The following PJA1 variants were observed in gnomAD, a reference collection of about 807,000 sequenced individuals.
PJA1 encodes praja ring finger ubiquitin ligase 1.
Under a neutral mutation model 14.1 loss-of-function variants are expected in PJA1, and 5 were observed. The observed-to-expected ratio is 0.35, with a 90% CI of 0.18 to 0.74. PJA1 has a LOEUF of 0.74. PJA1 is among the 30% of genes least tolerant of loss of function. The pLI is 0.56. For missense variants in PJA1, 394 were observed against 482.6 expected, an observed-to-expected ratio of 0.82 and a Z score of 1.72; for synonymous variants, 174 against 190.9, an observed-to-expected ratio of 0.91 and a Z score of 0.73.
In PJA1 at chrX:69,162,070, C is replaced by A; in HGVS notation, c.1004G>T (p.Gly335Val). ...RSREQTLSSS[G>V]ESWETLPGKE... Reference sequence around the variant, plus strand: ...CCCCGGCAGAGTCTCCCAGCTTTCGCCACTGGAGGACAGGGTTTGCTCTCG... The same window carrying A: ...CCCCGGCAGAGTCTCCCAGCTTTCGACACTGGAGGACAGGGTTTGCTCTCG... Residue 335 changes from glycine to valine, a missense_variant, in exon 2 of 2, where the codon GGC (glycine) becomes GTC (valine). Around this residue, in one of 2 missense-constraint regions of PJA1, gnomAD observed 378 missense variants for 439.3 expected, o/e 0.86. Transcript: ENST00000374571. The A allele has an allele frequency of 8.3e-7, 1 of 1,211,209 alleles. No individual in the cohort carries two copies.
rs1466840470 is a variant in PJA1 at position 69,161,404 on chromosome X, G to A, written c.1670C>T (p.Pro557Leu). ...CGGCTTGTGGAAATAGTGGTGGCAC[G>A]GCAGCTCAGTTGCCACCTCCCCCTT... ...YVKGEVATEL[P>L]CHHYFHKPCV... The change falls in exon 2 of 2, where the codon CCG becomes CTG. Residue 557 changes from proline to leucine, a missense_variant. By Grantham distance (98) the Pro-to-Leu change is moderately conservative (BLOSUM62 -3). Coordinates refer to ENST00000374571, the MANE Select transcript of PJA1 (RefSeq NM_001032396.4). 6 of 1,210,847 alleles carry A rather than the reference G, an allele frequency of 5.0e-6. No homozygotes were observed. The highest frequency in any genetic ancestry group is 3.0e-5 in the East Asian group (1 of 33,808).
Position 69,161,784 on chromosome X carries a change from T to C in PJA1, c.1290A>G (p.Gln430=). The change falls in exon 2 of 2, where the codon CAA becomes CAG. Residue 430 remains glutamine, a synonymous_variant. Transcript: ENST00000374571. ...GDNDSGHELM[Q]PGVFMLDGNN... ...TTCCATCCAGCATGAATACCCCAGG[T>C]TGCATCAACTCGTGACCAGAATCAT... is the stretch of plus-strand genomic sequence containing the variant. The C allele has an allele frequency of 8.3e-7, 1 of 1,211,535 alleles. No individual in the cohort carries two copies. The highest frequency in any genetic ancestry group is 1.1e-6 in the Non-Finnish European group (1 of 895,444).
At position 69,161,467 on chromosome X, in the gene PJA1, T is replaced by C; in HGVS notation, c.1607A>G (p.Gln536Arg). ...ACAGCAGATGGGGCAGCACATCTCC[T>C]GACCAACTGCGCCATGATCTTCAGT... is the stretch of plus-strand genomic sequence containing the variant. ...LVTEDHGAVG[Q>R]EMCCPICCSE... The change falls in exon 2 of 2, where the codon CAG becomes CGG. Residue 536 changes from glutamine (Q) to arginine (R), a missense_variant. By Grantham distance (43) the Gln-to-Arg change is conservative. This residue lies in a region of PJA1 where 378 missense variants were observed against 439.3 expected (regional missense o/e 0.86). Coordinates refer to ENST00000374571, the MANE Select transcript of PJA1 (RefSeq NM_001032396.4). 1 of 1,211,800 alleles carries C rather than the reference T, an allele frequency of 8.3e-7. No individual in the cohort carries two copies. Among genetic ancestry groups the C allele is most frequent in the Non-Finnish European group, 1.1e-6 (1 of 895,464 alleles).
At position 69,162,930 on chromosome X, in the gene PJA1, C is replaced by T. The variant is rs141198936; in HGVS notation, c.144G>A (p.Glu48=). The T allele has an allele frequency of 4.1e-6, 5 of 1,211,425 alleles. No homozygotes were observed. The highest frequency in any genetic ancestry group is 5.6e-6 in the Non-Finnish European group (5 of 895,506). The change falls in exon 2 of 2, where the codon GAG becomes GAA. Residue 48 remains glutamate (E), a synonymous_variant. Transcript: ENST00000374571. ...NEDYSRYPPR[E]YRASGSRRGM... is the part of the protein sequence containing the mutation. ...CTCTTCTGCTACCCGAAGCTCTGTACTCTCTTGGCGGATACCTGGAATAGT... is the reference window on the plus strand; with the variant it reads ...CTCTTCTGCTACCCGAAGCTCTGTATTCTCTTGGCGGATACCTGGAATAGT...
chrX:69,161,512 G>T lies in PJA1; in HGVS notation c.1562C>A (p.Ala521Asp). Reference protein sequence around the residue: ...NPPASKESIDALPEILVTEDH... With the variant: ...NPPASKESIDDLPEILVTEDH... Reference sequence around the variant, plus strand: ...TTCAGTGACCAGGATCTCGGGAAGAGCGTCAATGCTCTCCTTGCTTGCTGG... The same window carrying T: ...TTCAGTGACCAGGATCTCGGGAAGATCGTCAATGCTCTCCTTGCTTGCTGG... The change falls in exon 2 of 2, where the codon GCT becomes GAT. Residue 521 changes from alanine (A) to aspartate (D), a missense_variant. Physicochemically the swap from Ala to Asp is moderately radical, Grantham distance 126 (BLOSUM62 -2). Around this residue, in one of 2 missense-constraint regions of PJA1, gnomAD observed 378 missense variants for 439.3 expected, o/e 0.86. Coordinates refer to ENST00000374571, the MANE Select transcript of PJA1 (RefSeq NM_001032396.4). The T allele has an allele frequency of 8.3e-7, 1 of 1,211,890 alleles. No homozygotes were observed. The highest frequency in any genetic ancestry group is 1.1e-6 in the Non-Finnish European group (1 of 895,575).
rs1925253085 is a variant in PJA1, at chrX:69,165,410, C to CTCTCGGA, written c.-113_-107dup. The CTCTCGGA allele has an allele frequency of 2.7e-5, 3 of 112,690 alleles. No individual in the cohort carries two copies. In the Admixed American group the frequency reaches 2.8e-4, roughly 10 times the overall value. 9.3% of individuals were successfully genotyped at this position (112,690 alleles called of 1,213,427 possible). A position where few individuals can be genotyped will look rare whatever the true frequency, so the allele number is the denominator to read the frequency against. On this transcript the variant is annotated 5_prime_UTR_variant, in exon 1 of 2. Coordinates refer to ENST00000374571, the MANE Select transcript of PJA1 (RefSeq NM_001032396.4). ...CCACACGCTTTTCAGAGAAGCAGAG[C>CTCTCGGA]TCTCGGATCTCCGACCGCCACGACC...
chrX:69,162,808 C>G lies in PJA1; in HGVS notation c.266G>C (p.Gly89Ala), dbSNP rs1925112012. The G allele has an allele frequency of 1.7e-6, 2 of 1,211,343 alleles. No homozygotes were observed. Among genetic ancestry groups the G allele is most frequent in the East Asian group, 5.9e-5 (2 of 33,816 alleles). ...VERPPVRGKTGKFKDDKLYDP... is the reference protein window; with the variant it reads ...VERPPVRGKTAKFKDDKLYDP... ...ATACAGCTTATCATCTTTAAACTTG[C>G]CAGTTTTCCCTCTCACTGGCGGTCG... The change falls in exon 2 of 2, where the codon GGC becomes GCC. Residue 89 changes from glycine (G) to alanine (A), a missense_variant. This residue lies in a region of PJA1 where 378 missense variants were observed against 439.3 expected (regional missense o/e 0.86). Coordinates refer to ENST00000374571, the MANE Select transcript of PJA1 (RefSeq NM_001032396.4).
chrX:69,162,551 G>T lies in PJA1; in HGVS notation c.523C>A (p.Pro175Thr). 1 of 1,211,566 alleles carries T rather than the reference G, an allele frequency of 8.3e-7. No homozygotes were observed. Among genetic ancestry groups the T allele is most frequent in the African/African-American group, 1.7e-5 (1 of 57,685 alleles). Residue 175 changes from proline to threonine, a missense_variant, in exon 2 of 2, where the codon CCT becomes ACT. Coordinates refer to ENST00000374571, the MANE Select transcript of PJA1 (RefSeq NM_001032396.4). ...ACAGGAGCCCTGCTGGGACGTGCAG[G>T]TAAATTTTGCTCCCTTCTCTCCCTC... ...SERERREQNLPARPSRAPVSI... is the reference protein window; with the variant it reads ...SERERREQNLTARPSRAPVSI...
In PJA1 at chrX:69,161,163, T is replaced by C. The variant is rs755991711; in HGVS notation, c.*144A>G. 1.6e-5 allele frequency: 14 copies of C among 881,012 alleles called. No individual in the cohort carries two copies. The highest frequency in any genetic ancestry group is 9.5e-5 in the Admixed American group (2 of 21,162). The allele number at this position is 881,012 out of a possible 1,213,427, so 72.6% of individuals were successfully genotyped here. A position where few individuals can be genotyped will look rare whatever the true frequency, so the allele number is the denominator to read the frequency against. On this transcript the variant is annotated 3_prime_UTR_variant, in exon 2 of 2. Coordinates refer to ENST00000374571, the MANE Select transcript of PJA1 (RefSeq NM_001032396.4). Reference sequence around the variant, plus strand: ...GCAATCATACACAACTGTTTTCACATTGGAAATAATCACGAGGAATCAATA... The same window carrying C: ...GCAATCATACACAACTGTTTTCACACTGGAAATAATCACGAGGAATCAATA...
In PJA1 at chrX:69,162,048, C is replaced by T. The variant is rs1231613505; in HGVS notation, c.1026G>A (p.Pro342=). The T allele has an allele frequency of 1.2e-5, 14 of 1,208,572 alleles. No homozygotes were observed. Among genetic ancestry groups the T allele is most frequent in the Admixed American group, 6.6e-5 (3 of 45,758 alleles). The change falls in exon 2 of 2, where the codon CCG becomes CCA. Residue 342 remains proline (P), a synonymous_variant. Transcript: ENST00000374571. ...GTGGAGGTTCCCGCTCTTCTTTCCC[C>T]GGCAGAGTCTCCCAGCTTTCGCCAC... ...SSSGESWETL[P]GKEEREPPQA...
In PJA1 at chrX:69,161,505, G is replaced by C; in HGVS notation, c.1569C>G (p.Pro523=). ...CATGATCTTCAGTGACCAGGATCTC[G>C]GGAAGAGCGTCAATGCTCTCCTTGC... ...PASKESIDAL[P]EILVTEDHGA... Residue 523 remains proline (P), a synonymous_variant, in exon 2 of 2, where the codon CCC becomes CCG. Transcript: ENST00000374571. 8.3e-7 allele frequency: 1 copy of C among 1,211,749 alleles called. No individual in the cohort carries two copies. The highest frequency in any genetic ancestry group is 1.1e-6 in the Non-Finnish European group (1 of 895,523).
intron 1 of PJA1, among the ~76,000 whole-genome samples, chrX:69,164,695 G>T (rs1032124304): frequency 1.0e-5 from 1 of 95,441 alleles, no homozygotes; most frequent in East Asian, 3.6e-4. Flanking sequence ...GCAAGGAGGG[G>T]GCTGCAATGG....
Position 69,161,557 on chromosome X carries a change from T to C in PJA1, c.1517A>G (p.Asp506Gly). 1 of 1,210,798 alleles carries C rather than the reference T, an allele frequency of 8.3e-7. No homozygotes were observed. Residue 506 changes from aspartate (D) to glycine (G), a missense_variant, in exon 2 of 2, where the codon GAT (aspartate) becomes GGT (glycine). Around this residue, in one of 2 missense-constraint regions of PJA1, gnomAD observed 378 missense variants for 439.3 expected, o/e 0.86. Coordinates refer to ENST00000374571, the MANE Select transcript of PJA1 (RefSeq NM_001032396.4). ...TGCTGGTGGATTGGCCACCTCTACA[T>C]CCACTGCGAGAGACTCCAAGTGCGC... Reference protein sequence around the residue: ...ALAHLESLAVDVEVANPPASK... With the variant: ...ALAHLESLAVGVEVANPPASK...
At chrX:69,163,456 C>G in intron 1 of PJA1, 1 of 405,825 alleles carries the variant, frequency 2.5e-6, no homozygotes, top group Non-Finnish European at 4.3e-6. Flanking sequence ...CAGTGACTGT[C>G]AGGTGTAGAC....
rs1366791307 is a variant in PJA1 at position 69,163,009 on chromosome X, C to T, written c.65G>A (p.Arg22His). 2.5e-6 allele frequency: 3 copies of T among 1,211,038 alleles called. No individual in the cohort carries two copies. Among genetic ancestry groups the T allele is most frequent in the Non-Finnish European group, 3.4e-6 (3 of 895,420 alleles). The part of the protein sequence containing the change: ...RSRSPFSTTR[R>H]SWDDSESSGT... ...CGAACTCTCGCTGTCGTCCCAACTA[C>T]GACGAGTAGTGGAAAATGGCGATCG... The change falls in exon 2 of 2, where the codon CGT (arginine) becomes CAT (histidine). Residue 22 changes from arginine (R) to histidine (H), a missense_variant. Around this residue, in one of 2 missense-constraint regions of PJA1, gnomAD observed 378 missense variants for 439.3 expected, o/e 0.86. Coordinates refer to ENST00000374571, the MANE Select transcript of PJA1 (RefSeq NM_001032396.4).
At chrX:69,165,087 C>T (rs1470964802) in intron 1 of PJA1, among the ~76,000 whole-genome samples, 1 of 111,078 alleles carries the variant, frequency 9.0e-6, no homozygotes, top group Non-Finnish European at 1.9e-5. Flanking sequence ...CACCACTGCC[C>T]TCCCAATAGC....
In PJA1 at chrX:69,162,639, T is replaced by G; in HGVS notation, c.435A>C (p.Gln145His). ...AAGACGACTGTGAGGCCACACTACT[T>G]TGTGGCAGGAAGTCAGCTCTGCTAG... is the stretch of plus-strand genomic sequence containing the variant. ...CSASRADFLP[Q>H]SSVASQSSSE... The change falls in exon 2 of 2, where the codon CAA (glutamine) becomes CAC (histidine). Residue 145 changes from glutamine to histidine, a missense_variant. Physicochemically the swap from Gln to His is conservative, Grantham distance 24. Coordinates refer to ENST00000374571, the MANE Select transcript of PJA1 (RefSeq NM_001032396.4). 3 of 1,210,934 alleles carry G rather than the reference T, an allele frequency of 2.5e-6. No homozygotes were observed. The highest frequency in any genetic ancestry group is 3.4e-6 in the Non-Finnish European group (3 of 895,197).
In PJA1 at chrX:69,161,239, G is replaced by A. The variant is rs754956752; in HGVS notation, c.*68C>T. On this transcript the variant is annotated 3_prime_UTR_variant, in exon 2 of 2. Coordinates refer to ENST00000374571, the MANE Select transcript of PJA1 (RefSeq NM_001032396.4). ...TTTATTTCCATTGTTAATTTCAAGA[G>A]GGCTCCTGCAGTATTGTGGATTTCA... 8.2e-6 allele frequency: 9 copies of A among 1,091,134 alleles called. No homozygotes were observed. Among genetic ancestry groups the A allele is most frequent in the East Asian group, 6.6e-5 (2 of 30,443 alleles). The allele number at this position is 1,091,134 out of a possible 1,213,427, so 89.9% of individuals were successfully genotyped here.
rs373216799 is a variant in PJA1, at chrX:69,162,686, C to A, written c.388G>T (p.Val130Phe). ...CTAGCTGAGCATCTTGCTGCAGGGA[C>A]TGGGTCTAACTTGTCTCGCTCCTCT... is the stretch of plus-strand genomic sequence containing the variant. ...VREERDKLDP[V>F]PAARCSASRA... is the part of the protein sequence containing the mutation. Residue 130 changes from valine to phenylalanine, a missense_variant, in exon 2 of 2, where the codon GTC becomes TTC. Val to Phe is a conservative substitution (Grantham distance 50). Around this residue, in one of 2 missense-constraint regions of PJA1, gnomAD observed 378 missense variants for 439.3 expected, o/e 0.86. Transcript: ENST00000374571. The A allele has an allele frequency of 6.5e-5, 78 of 1,207,070 alleles. No homozygotes were observed. The highest frequency in any genetic ancestry group is 8.4e-5 in the Non-Finnish European group (75 of 893,655).
Sources: allele counts gnomAD v4.1 joint callset (sites outside exome capture counted in the v4.1 genomes callset), GRCh38; gene constraint gnomAD v4.1.1; regional missense constraint gnomAD v4.1.1; transcripts MANE v1.5; gene names NCBI Gene and HGNC (gene_info 2026-07-23, HGNC 2026-07-21).